Variants in OPHN1 observed in about 807,000 individuals in gnomAD.
OPHN1 encodes the protein oligophrenin-1.
A neutral mutation model predicts 60.7 loss-of-function variants in OPHN1; 11 were observed. The observed-to-expected ratio is 0.18, with a 90% confidence interval of 0.11 to 0.30. OPHN1 has a LOEUF of 0.30. OPHN1 is among the 10% of genes least tolerant of loss of function. OPHN1 has a pLI of 1.00. For synonymous variants in OPHN1, 226 were observed against 222.6 expected (o/e 1.02, Z -0.14); for missense variants, 449 against 611.0 (o/e 0.73, Z 2.80).
intron 2 of OPHN1, among the ~76,000 whole-genome samples, chrX:68,341,076 C>CA (rs1157921152): frequency 0.02 from 1,708 of 85,400 alleles, 38 homozygotes; most frequent in African/African-American, 0.065. Context: ...TTTTTTACTG[C>CA]AAAAAAAAAA....
At chrX:68,129,496 T>C (rs2077185202) in intron 15 of OPHN1, among the ~76,000 whole-genome samples, 1 of 112,132 alleles carries the variant, frequency 8.9e-6, no homozygotes, top group Non-Finnish European at 1.9e-5. Context: ...GTGGAATTAC[T>C]GTCTAAATAT....
At chrX:68,366,718 T>C (rs779039151) in intron 2 of OPHN1, among the ~76,000 whole-genome samples, 2 of 111,938 alleles carry the variant, frequency 1.8e-5, no homozygotes, top group Admixed American at 9.5e-5. Context: ...GCATGCCACA[T>C]GCTAACTGAC....
chrX:68,253,761 A>G (rs1602272366), intron 5 of OPHN1, among the ~76,000 whole-genome samples: 2 of 112,164 alleles, frequency 1.8e-5, no homozygotes, highest in East Asian at 2.8e-4. Flanking sequence ...CAAATCTACT[A>G]TATTGACTTC....
At chrX:68,296,233 G>T (rs1462824654) in intron 3 of OPHN1, among the ~76,000 whole-genome samples, 1 of 111,699 alleles carries the variant, frequency 9.0e-6, no homozygotes, top group Non-Finnish European at 1.9e-5. Context: ...ACCTCTCTTT[G>T]GTCCTCAATA....
chrX:68,265,508 C>A (rs752720912), intron 5 of OPHN1, among the ~76,000 whole-genome samples: 3 of 111,672 alleles, frequency 2.7e-5, no homozygotes, highest in Non-Finnish European at 5.6e-5. Flanking sequence ...AAAGGACATC[C>A]ACACCAAAAC....
intron 2 of OPHN1, among the ~76,000 whole-genome samples, chrX:68,362,590 T>C (rs2078478705): frequency 9.0e-6 from 1 of 111,128 alleles, no homozygotes. Flanking sequence ...CGTGTATACA[T>C]AGATGAAAGC....
intron 5 of OPHN1, among the ~76,000 whole-genome samples, chrX:68,264,382 T>A (rs2077911068): frequency 9.0e-6 from 1 of 111,158 alleles, no homozygotes; most frequent in Non-Finnish European, 1.9e-5. Context: ...ATATCTAGAA[T>A]CTACAAAGAA....
intron 5 of OPHN1, among the ~76,000 whole-genome samples, chrX:68,257,183 A>G (rs780217113): frequency 8.9e-6 from 1 of 112,662 alleles, no homozygotes; most frequent in East Asian, 2.8e-4. Flanking sequence ...CTTCATTACA[A>G]TGGTCTGGAA....
chrX:68,084,997 GA>G (rs1429584769), intron 19 of OPHN1, among the ~76,000 whole-genome samples: 3 of 112,647 alleles, frequency 2.7e-5, no homozygotes, highest in Non-Finnish European at 5.6e-5. Flanking sequence ...CTGGCCTACA[GA>G]TGCAAACATT....
chrX:68,108,178 G>A (rs1447457963), intron 18 of OPHN1, among the ~76,000 whole-genome samples: 1 of 112,013 alleles, frequency 8.9e-6, no homozygotes, highest in African/African-American at 3.2e-5. Flanking sequence ...AGGTTTCTAC[G>A]TCCTTTGGAC....
At chrX:68,124,522 C>T (rs2077162215) in intron 15 of OPHN1, among the ~76,000 whole-genome samples, 1 of 111,111 alleles carries the variant, frequency 9.0e-6, no homozygotes, top group African/African-American at 3.3e-5. Context: ...AAGAAGCATT[C>T]GACTTAATCT....
intron 3 of OPHN1, among the ~76,000 whole-genome samples, chrX:68,288,157 G>T (rs1347136295): frequency 3.6e-5 from 4 of 111,803 alleles, no homozygotes; most frequent in Admixed American, 9.5e-5. Context: ...TTGATTCTAA[G>T]ATTGTAATCA....
At chrX:68,411,966 ACAGGTTATGGTGGAAAAT>A (rs2078771592) in intron 2 of OPHN1, among the ~76,000 whole-genome samples, 2 of 111,640 alleles carry the variant, frequency 1.8e-5, no homozygotes, top group Admixed American at 9.6e-5. Flanking sequence ...ATGGCCAAAA[ACAGGTTATGGTGGAAAAT>A]CAGGTTATGG....
At chrX:68,071,789 A>C (rs1300126735) in intron 20 of OPHN1, 2 of 428,919 alleles carry the variant, frequency 4.7e-6, no homozygotes, top group Admixed American at 6.6e-5. Context: ...AGAGAGGTCG[A>C]TGATTCAGAC....
intron 18 of OPHN1, among the ~76,000 whole-genome samples, chrX:68,105,668 G>A (rs1429786937): frequency 1.0e-5 from 1 of 97,743 alleles, no homozygotes; most frequent in African/African-American, 3.8e-5. Context: ...GGGGTGGGGG[G>A]CTAGGGGATG....
At chrX:68,393,353 C>G (rs2078663687) in intron 2 of OPHN1, among the ~76,000 whole-genome samples, 1 of 111,953 alleles carries the variant, frequency 8.9e-6, no homozygotes, top group Non-Finnish European at 1.9e-5. Context: ...TGCAGAGGCT[C>G]GATCACAGCT....
chrX:68,350,966 T>C (rs1314931452), intron 2 of OPHN1, among the ~76,000 whole-genome samples: 1 of 111,777 alleles, frequency 8.9e-6, no homozygotes, highest in Non-Finnish European at 1.9e-5. Context: ...CCTCACTCTG[T>C]TGCCCAGGCT....
At chrX:68,107,361 T>C (rs892491095) in intron 18 of OPHN1, among the ~76,000 whole-genome samples, 1 of 111,989 alleles carries the variant, frequency 8.9e-6, no homozygotes, top group African/African-American at 3.2e-5. Context: ...AAAAGCTTTA[T>C]AGACTGTCAA....
intron 20 of OPHN1, among the ~76,000 whole-genome samples, chrX:68,066,458 GA>G (rs1280186304): frequency 9.0e-6 from 1 of 111,530 alleles, no homozygotes; most frequent in African/African-American, 3.3e-5. Flanking sequence ...GCTGGCTCGG[GA>G]AAATAGGAAA....
Sources: gnomAD v4.1 joint callset for allele counts (sites outside exome capture counted in the v4.1 genomes callset) on GRCh38, gnomAD v4.1.1 for gene constraint, MANE v1.5 for transcripts, NCBI Gene and HGNC (gene_info 2026-07-23, HGNC 2026-07-21) for gene names.